HACD2: variants seen among roughly 807,000 people sequenced by gnomAD.
HACD2 encodes the protein 3-hydroxyacyl-CoA dehydratase 2.
Under a neutral mutation model 31.0 loss-of-function variants are expected in HACD2, and 15 were observed. The ratio of observed to expected loss-of-function variants is 0.48; its 90% CI spans 0.32 to 0.75. The LOEUF is 0.75. HACD2 is among the 30% of genes least tolerant of loss of function. HACD2 has a pLI of 0.03. For missense variants in HACD2, 283 were observed against 313.0 expected (o/e 0.90, Z 0.72); for synonymous variants, 115 against 122.2 (o/e 0.94, Z 0.39).
At position 123,557,659 on chromosome 3, in the gene HACD2, A is replaced by G. The variant is rs552323145; in HGVS notation, c.292+10103T>C. 3.9e-5 allele frequency among the ~76,000 whole-genome samples: 6 copies of G among 152,116 alleles called. No individual in the cohort carries two copies. The East Asian group carries it at 9.7e-4, about 25-fold the overall frequency. On this transcript the variant is annotated intron_variant, in intron 3 of 6. Transcript: ENST00000383657. ...CTCAAAAAAATAAACAACAAAAAACACCTCATCAAAGAGGACCTACAGATG... is the reference window on the plus strand; with the variant it reads ...CTCAAAAAAATAAACAACAAAAAACGCCTCATCAAAGAGGACCTACAGATG...
rs1446460189 is a variant in HACD2, at chr3:123,571,571, C to G, written c.274-3791G>C. Reference sequence around the variant, plus strand: ...GGAATGAGGAGTAACCTCCTACCGACAGCTAGCAAGGAAATGCAGACCTCA... The same window carrying G: ...GGAATGAGGAGTAACCTCCTACCGAGAGCTAGCAAGGAAATGCAGACCTCA... On this transcript the variant is annotated intron_variant, in intron 2 of 6. Transcript: ENST00000383657. Among the ~76,000 whole-genome samples, 4 of 152,326 alleles carry G rather than the reference C, an allele frequency of 2.6e-5. No individual in the cohort carries two copies. In the East Asian group the frequency reaches 5.8e-4, roughly 22 times the overall value.
At chr3:123,543,714 T>C in intron 3 of HACD2, 1 of 420,216 alleles carries the variant, frequency 2.4e-6, no homozygotes, top group Non-Finnish European at 4.7e-6. Flanking sequence ...TATAACAATG[T>C]AGACACTGGA....
intron 3 of HACD2, among the ~76,000 whole-genome samples, chr3:123,551,386 AG>A (rs2056618460): frequency 6.6e-6 from 1 of 152,122 alleles, no homozygotes; most frequent in Non-Finnish European, 1.5e-5. Flanking sequence ...TGGGAGGCCA[AG>A]GTGGGTGGAT....
At chr3:123,545,208 G>A (rs565708250) in intron 3 of HACD2, among the ~76,000 whole-genome samples, 49 of 149,166 alleles carry the variant, frequency 3.3e-4, no homozygotes, top group African/African-American at 1.2e-3. Flanking sequence ...TTGGTCAGGC[G>A]CAGTGGCTCA....
chr3:123,524,418 T>C (rs2056253214), intron 4 of HACD2, among the ~76,000 whole-genome samples: 1 of 152,144 alleles, frequency 6.6e-6, no homozygotes, highest in African/African-American at 2.4e-5. Flanking sequence ...GAAGGATTCA[T>C]CTCAGAGCAC....
At chr3:123,499,455 T>C (rs1344874827) in intron 6 of HACD2, 3 of 333,732 alleles carry the variant, frequency 9.0e-6, no homozygotes, top group East Asian at 1.5e-4. Context: ...AAATGAATCA[T>C]GAAGCAGAAC....
At chr3:123,542,423 T>C (rs1230920202) in intron 3 of HACD2, among the ~76,000 whole-genome samples, 1 of 152,162 alleles carries the variant, frequency 6.6e-6, no homozygotes, top group Non-Finnish European at 1.5e-5. Context: ...GAAACAACCA[T>C]ACTCACATTT....
chr3:123,538,424 C>T (rs1174134650), intron 3 of HACD2, among the ~76,000 whole-genome samples: 1 of 152,090 alleles, frequency 6.6e-6, no homozygotes, highest in Non-Finnish European at 1.5e-5. Flanking sequence ...TATATTCATG[C>T]TTAATTGTAA....
At chr3:123,551,708 T>G (rs991202202) in intron 3 of HACD2, among the ~76,000 whole-genome samples, 1 of 152,134 alleles carries the variant, frequency 6.6e-6, no homozygotes, top group Non-Finnish European at 1.5e-5. Flanking sequence ...AGTAAAAGCC[T>G]TGGAATATAT....
At chr3:123,522,595 T>C (rs1198487146) in intron 4 of HACD2, among the ~76,000 whole-genome samples, 1 of 151,740 alleles carries the variant, frequency 6.6e-6, no homozygotes, top group East Asian at 1.9e-4. Flanking sequence ...TGCCACTAAG[T>C]GCTGCTGCAT....
At chr3:123,513,598 G>A (rs2056092007) in intron 4 of HACD2, among the ~76,000 whole-genome samples, 1 of 152,196 alleles carries the variant, frequency 6.6e-6, no homozygotes, top group South Asian at 2.1e-4. Flanking sequence ...GGGCAAGGCT[G>A]AGGAGATCGT....
At chr3:123,536,508 T>C (rs1576759650) in intron 3 of HACD2, among the ~76,000 whole-genome samples, 1 of 152,148 alleles carries the variant, frequency 6.6e-6, no homozygotes, top group Non-Finnish European at 1.5e-5. Flanking sequence ...GAAGATACTA[T>C]GGAAAACGAA....
Position 123,494,598 on chromosome 3 carries a change from A to AGAT in HACD2, c.*289_*290insATC, listed in dbSNP as rs1576721354. 4 of 425,944 alleles carry AGAT rather than the reference A, an allele frequency of 9.4e-6. No homozygotes were observed. The East Asian group carries it at 1.6e-4, about 17-fold the overall frequency. 26.4% of individuals were successfully genotyped at this position (425,944 alleles called of 1,614,324 possible). A position where few individuals can be genotyped will look rare whatever the true frequency, so the allele number is the denominator to read the frequency against. On this transcript the variant is annotated 3_prime_UTR_variant, in exon 7 of 7. Coordinates refer to ENST00000383657, the MANE Select transcript of HACD2 (RefSeq NM_198402.5). Reference sequence around the variant, plus strand: ...TTCATTGATCAGATACATGAAGGACACAGAAGGACATAAAATGCCAAATCC... The same window carrying AGAT: ...TTCATTGATCAGATACATGAAGGACAGATCAGAAGGACATAAAATGCCAAATCC...
At chr3:123,537,578 T>TAC (rs201885124) in intron 3 of HACD2, among the ~76,000 whole-genome samples, 59,631 of 144,094 alleles carry the variant, frequency 0.41, 13,181 homozygotes, top group Admixed American at 0.51. Flanking sequence ...CAACAACAAA[T>TAC]ACACATACAC....
rs114668666 is a variant in HACD2 at position 123,519,209 on chromosome 3, T to C, written c.381+9177A>G. Among the ~76,000 whole-genome samples, 1,129 of 152,210 alleles carry C rather than the reference T, an allele frequency of 7.4e-3. 2 individuals carry two copies. Among genetic ancestry groups the C allele is most frequent in the Non-Finnish European group, 0.012 (787 of 68,012 alleles). On this transcript the variant is annotated intron_variant, in intron 4 of 6. Transcript: ENST00000383657. ...GCCTAATAATTAGTGTTTCTTCCCC[T>C]CTAAAAAAAGCATCCCCTTAGCATG...
intron 4 of HACD2, among the ~76,000 whole-genome samples, chr3:123,515,238 C>T (rs997031266): frequency 1.3e-5 from 2 of 152,108 alleles, no homozygotes; most frequent in Non-Finnish European, 2.9e-5. Context: ...GCACTATCAT[C>T]CCTCTGCCTT....
At position 123,584,878 on chromosome 3, in the gene HACD2, T is replaced by C; in HGVS notation, c.150A>G (p.Thr50=). ...TCCCCGAGCCCCAGCCTCACCCGGC[T>C]GTCATCACCACATTGTAGATGACCA... is the stretch of plus-strand genomic sequence containing the variant. ...AYLVIYNVVM[T]AGWLVIAVGL... Residue 50 remains threonine, a synonymous_variant, in exon 1 of 7, where the codon ACA becomes ACG. Transcript: ENST00000383657. 2 of 1,504,888 alleles carry C rather than the reference T, an allele frequency of 1.3e-6. No individual in the cohort carries two copies. Among genetic ancestry groups the C allele is most frequent in the Non-Finnish European group, 1.8e-6 (2 of 1,127,018 alleles). 93.2% of individuals were successfully genotyped at this position (1,504,888 alleles called of 1,614,324 possible).
At chr3:123,517,669 G>A (rs553500251) in intron 4 of HACD2, among the ~76,000 whole-genome samples, 9 of 152,168 alleles carry the variant, frequency 5.9e-5, no homozygotes, top group Non-Finnish European at 1.3e-4. Context: ...CCAGAGGGGA[G>A]AAGATTTACC....
At chr3:123,518,643 C>T (rs979250886) in intron 4 of HACD2, among the ~76,000 whole-genome samples, 1 of 152,162 alleles carries the variant, frequency 6.6e-6, no homozygotes. Context: ...CAAGACAGCA[C>T]ACCAATGCAG....
Sources: allele counts gnomAD v4.1 joint callset (sites outside exome capture counted in the v4.1 genomes callset), GRCh38; gene constraint gnomAD v4.1.1; transcripts MANE v1.5; gene names NCBI Gene and HGNC (gene_info 2026-07-23, HGNC 2026-07-21).